The following UNC5D variants were observed in gnomAD, a reference collection of about 807,000 sequenced individuals.
UNC5D encodes unc-5 netrin receptor D, also known as netrin receptor UNC5D.
In UNC5D, 39 loss-of-function variants were observed where a neutral mutation model predicts 105.4. The observed-to-expected ratio is 0.37, with a 90% CI of 0.29 to 0.48. UNC5D has a LOEUF of 0.48. Among genes scored for constraint, UNC5D ranks in the 20% least tolerant of loss-of-function variants. The probability of loss-of-function intolerance (pLI) is 0.98; values close to 1 mark genes in which losing one functional copy is unlikely to be tolerated. For missense variants in UNC5D, 991 were observed against 1,202.4 expected, an observed-to-expected ratio of 0.82 and a Z score of 2.60; for synonymous variants, 452 against 450.4, an observed-to-expected ratio of 1.00 and a Z score of -0.04.
chr8:35,734,782 ATTTTTTT>A (rs1171276656), intron 11 of UNC5D, among the ~76,000 whole-genome samples: 1 of 126,724 alleles, frequency 7.9e-6, no homozygotes, highest in African/African-American at 3.2e-5. Flanking sequence ...CACACTTTAA[ATTTTTTT>A]TTTTTTTTTT....
chr8:35,710,063 G>A (rs1008814337), intron 8 of UNC5D, among the ~76,000 whole-genome samples: 1 of 152,150 alleles, frequency 6.6e-6, no homozygotes, highest in Non-Finnish European at 1.5e-5. Flanking sequence ...ATATATTCAA[G>A]GAAAAGCTCT....
intron 4 of UNC5D, among the ~76,000 whole-genome samples, chr8:35,643,180 C>T (rs1021139058): frequency 1.1e-4 from 17 of 152,134 alleles, no homozygotes; most frequent in African/African-American, 3.9e-4. Flanking sequence ...GGATCCGTGG[C>T]CTCCACCCAA....
chr8:35,391,415 G>T (rs1472069532), intron 1 of UNC5D, among the ~76,000 whole-genome samples: 1 of 152,006 alleles, frequency 6.6e-6, no homozygotes, highest in African/African-American at 2.4e-5. Context: ...AAGAAAAATG[G>T]GAAACAAAAG....
intron 1 of UNC5D, among the ~76,000 whole-genome samples, chr8:35,298,204 G>C (rs1807644150): frequency 6.6e-6 from 1 of 152,148 alleles, no homozygotes; most frequent in African/African-American, 2.4e-5. Context: ...GTTACTCACA[G>C]AAACACCCCC....
intron 1 of UNC5D, among the ~76,000 whole-genome samples, chr8:35,548,731 G>A (rs1490606796): frequency 6.6e-6 from 1 of 152,200 alleles, no homozygotes; most frequent in Non-Finnish European, 1.5e-5. Flanking sequence ...TCCCTTTGAA[G>A]GGGCAGTGAG....
intron 4 of UNC5D, among the ~76,000 whole-genome samples, chr8:35,662,778 C>T (rs977447371): frequency 2.0e-5 from 3 of 152,190 alleles, no homozygotes; most frequent in African/African-American, 7.2e-5. Context: ...CAGGAGTCCC[C>T]AGTCCCTACC....
At chr8:35,686,013 A>G (rs1825981515) in intron 6 of UNC5D, among the ~76,000 whole-genome samples, 1 of 152,180 alleles carries the variant, frequency 6.6e-6, no homozygotes, top group East Asian at 1.9e-4. Context: ...CCATGACCCA[A>G]GAAATTCTAT....
intron 8 of UNC5D, among the ~76,000 whole-genome samples, chr8:35,710,944 T>TG (rs1361355364): frequency 0.036 from 4,759 of 132,178 alleles, 323 homozygotes; most frequent in African/African-American, 0.11. Context: ...CTTTTTTTTT[T>TG]TTTTTTTTTT....
At chr8:35,563,976 T>G (rs938239791) in intron 2 of UNC5D, among the ~76,000 whole-genome samples, 1 of 152,174 alleles carries the variant, frequency 6.6e-6, no homozygotes, top group Non-Finnish European at 1.5e-5. Flanking sequence ...TTGATTATGG[T>G]TAATGATCCT....
intron 15 of UNC5D, among the ~76,000 whole-genome samples, chr8:35,769,009 A>G (rs1211265623): frequency 2.0e-5 from 3 of 152,164 alleles, no homozygotes; most frequent in Non-Finnish European, 2.9e-5. Context: ...TTCATTTTGT[A>G]TAAACTGTAT....
At chr8:35,618,226 CT>C (rs1243749297) in intron 4 of UNC5D, among the ~76,000 whole-genome samples, 2 of 152,050 alleles carry the variant, frequency 1.3e-5, no homozygotes, top group African/African-American at 4.8e-5. Flanking sequence ...TCAGTTTAAT[CT>C]TTTTTTTCAA....
intron 1 of UNC5D, among the ~76,000 whole-genome samples, chr8:35,266,271 A>ATGAAAT (rs1804864235): frequency 6.6e-6 from 1 of 152,200 alleles, no homozygotes; most frequent in African/African-American, 2.4e-5. Context: ...TTTGCTTTGT[A>ATGAAAT]AAGGTGCCTG....
intron 1 of UNC5D, among the ~76,000 whole-genome samples, chr8:35,539,272 CAT>C (rs1192047116): frequency 6.6e-6 from 1 of 152,042 alleles, no homozygotes; most frequent in South Asian, 2.1e-4. Context: ...ATATTTTTAA[CAT>C]GTGTTTGTAT....
At chr8:35,388,093 GT>G (rs1667893992) in intron 1 of UNC5D, among the ~76,000 whole-genome samples, 1 of 152,082 alleles carries the variant, frequency 6.6e-6, no homozygotes, top group Admixed American at 6.5e-5. Context: ...GGAAGTCTTG[GT>G]GGGGTGCGGT....
At chr8:35,249,310 C>T (rs1032495720) in intron 1 of UNC5D, among the ~76,000 whole-genome samples, 3 of 149,658 alleles carry the variant, frequency 2.0e-5, no homozygotes, top group Non-Finnish European at 3.0e-5. Context: ...GTAATCCCAG[C>T]ACTTTGGGAA....
intron 2 of UNC5D, among the ~76,000 whole-genome samples, chr8:35,562,338 A>G (rs983581026): frequency 6.6e-6 from 1 of 152,064 alleles, no homozygotes; most frequent in African/African-American, 2.4e-5. Flanking sequence ...TTTTAGGAGG[A>G]TATATATGCC....
chr8:35,477,906 G>A (rs1423566766), intron 1 of UNC5D, among the ~76,000 whole-genome samples: 2 of 152,038 alleles, frequency 1.3e-5, no homozygotes, highest in Non-Finnish European at 2.9e-5. Flanking sequence ...TGGTTAAATA[G>A]GAAGATAATC....
chr8:35,287,372 T>C (rs998825475), intron 1 of UNC5D, among the ~76,000 whole-genome samples: 30 of 152,110 alleles, frequency 2.0e-4, no homozygotes, highest in African/African-American at 6.8e-4. Flanking sequence ...GAGAATTAAG[T>C]GAAGTTTAGA....
intron 1 of UNC5D, among the ~76,000 whole-genome samples, chr8:35,345,562 G>A (rs1270786352): frequency 6.6e-6 from 1 of 151,992 alleles, no homozygotes; most frequent in Non-Finnish European, 1.5e-5. Context: ...ATTCACTAAA[G>A]TGATTTTCAT....
Sources: allele counts gnomAD v4.1 joint callset (sites outside exome capture counted in the v4.1 genomes callset), GRCh38; gene constraint gnomAD v4.1.1; transcripts MANE v1.5; gene names NCBI Gene and HGNC (gene_info 2026-07-23, HGNC 2026-07-21).